Variants in ADGB observed in about 807,000 individuals in gnomAD.
ADGB encodes the protein androglobin.
ADGB carries 172 observed loss-of-function variants against 210.5 expected under a neutral mutation model. The ratio of observed to expected loss-of-function variants is 0.82; its 90% confidence interval spans 0.72 to 0.93. ADGB has a LOEUF of 0.93. Ranked by LOEUF, ADGB falls within the 40% of genes least tolerant of loss-of-function variation. ADGB has a pLI of 0.00. For missense variants in ADGB, 2,025 were observed against 1,964.8 expected, an observed-to-expected ratio of 1.03 and a Z score of -0.58; for synonymous variants, 658 against 662.7, an observed-to-expected ratio of 0.99 and a Z score of 0.11.
chr6:146,733,628 CTT>C (rs1288940976), intron 21 of ADGB, among the ~76,000 whole-genome samples: 1 of 152,140 alleles, frequency 6.6e-6, no homozygotes, highest in Non-Finnish European at 1.5e-5. Flanking sequence ...TTTAACATGT[CTT>C]TTATTTTTGA....
intron 7 of ADGB, among the ~76,000 whole-genome samples, chr6:146,668,398 T>A (rs971191991): frequency 2.6e-5 from 4 of 152,062 alleles, no homozygotes; most frequent in Non-Finnish European, 5.9e-5. Context: ...CAGGATAAAC[T>A]TGGGTGTTGC....
intron 34 of ADGB, 96 bp from the exon 35 acceptor site, chr6:146,801,732 C>G: frequency 1.9e-6 from 2 of 1,072,610 alleles, no homozygotes; most frequent in Non-Finnish European, 2.6e-6. Flanking sequence ...GACCACCACA[C>G]TGTTGATATG....
chr6:146,696,818 G>A (rs886088315), intron 12 of ADGB, among the ~76,000 whole-genome samples: 2 of 152,100 alleles, frequency 1.3e-5, no homozygotes, highest in African/African-American at 4.8e-5. Context: ...GAGCCAGAGA[G>A]GCTTGGTGTA....
chr6:146,649,753 T>C (rs752018104), intron 3 of ADGB, among the ~76,000 whole-genome samples: 2 of 152,052 alleles, frequency 1.3e-5, no homozygotes, highest in Non-Finnish European at 2.9e-5. Context: ...TCACCTCCCA[T>C]AGTGTTGGAA....
At chr6:146,730,819 A>T (rs1285443918) in intron 20 of ADGB, among the ~76,000 whole-genome samples, 1 of 152,152 alleles carries the variant, frequency 6.6e-6, no homozygotes, top group Non-Finnish European at 1.5e-5. Flanking sequence ...GGCACCTGTA[A>T]TCCCAGCTAC....
In ADGB at chr6:146,733,867, T is replaced by C. The variant is rs746227189; in HGVS notation, c.2657-26T>C. On this transcript the variant is annotated intron_variant, in intron 21 of 35. Transcript: ENST00000397944. ...GGAAGGGATTAAATATAACTTTCAG[T>C]CCAAAGTTTGTTTTTCCCTTTCCAG... The C allele has an allele frequency of 4.3e-5, 66 of 1,551,026 alleles. No individual in the cohort carries two copies. In the African/African-American group the frequency reaches 6.7e-4, roughly 16 times the overall value.
intron 23 of ADGB, among the ~76,000 whole-genome samples, chr6:146,737,339 G>C (rs1777094292): frequency 6.6e-6 from 1 of 152,152 alleles, no homozygotes; most frequent in South Asian, 2.1e-4. Flanking sequence ...AGTAGAAGAA[G>C]AGTTTAGTGA....
rs1181234144 is a variant in ADGB at position 146,746,105 on chromosome 6, T to A, written c.3361T>A (p.Phe1121Ile). The A allele has an allele frequency of 1.3e-6, 2 of 1,537,280 alleles. No individual in the cohort carries two copies. The highest frequency in any genetic ancestry group is 1.8e-6 in the Non-Finnish European group (2 of 1,138,158). The change falls in exon 26 of 36, where the codon TTC becomes ATC. Residue 1121 changes from phenylalanine to isoleucine, a missense_variant. Transcript: ENST00000397944. ...CATACCCAATGATAAGAAAATTTTATTCAGGTACAAGTAAATGACAGAAGG... is the reference window on the plus strand; with the variant it reads ...CATACCCAATGATAAGAAAATTTTAATCAGGTACAAGTAAATGACAGAAGG... ...YYIPNDKKIL[F>I]RYSVKVLTPQ...
chr6:146,719,746 G>T (rs983260277), intron 16 of ADGB, among the ~76,000 whole-genome samples: 1 of 152,066 alleles, frequency 6.6e-6, no homozygotes. Flanking sequence ...GCAGGCCCTT[G>T]AAAATGACAG....
intron 12 of ADGB, among the ~76,000 whole-genome samples, chr6:146,699,560 A>G (rs1298750346): frequency 6.6e-6 from 1 of 152,050 alleles, no homozygotes; most frequent in Non-Finnish European, 1.5e-5. Context: ...ACCGACTCGC[A>G]CGCCAATCAC....
chr6:146,741,083 A>T, intron 24 of ADGB, 35 bp from the exon 25 acceptor site: 3 of 1,439,148 alleles, frequency 2.1e-6, no homozygotes, highest in Non-Finnish European at 2.7e-6. Flanking sequence ...TTAAGAATTC[A>T]CATCAAGGGA....
chr6:146,748,165 T>C (rs754295125), intron 26 of ADGB, among the ~76,000 whole-genome samples: 1 of 151,710 alleles, frequency 6.6e-6, no homozygotes, highest in Non-Finnish European at 1.5e-5. Flanking sequence ...ACGTGGAATA[T>C]GGAAAAAAAA....
At chr6:146,706,845 G>GTTTTTTTTTTTTTTTTTTTTTTTTTTTTT (rs34520729) in intron 13 of ADGB, among the ~76,000 whole-genome samples, 1 of 100,736 alleles carries the variant, frequency 9.9e-6, no homozygotes, top group Non-Finnish European at 1.9e-5. Flanking sequence ...TCAGCTTAGT[G>GTTTTTTTTTTTTTTTTTTTTTTTTTTTTT]TTTTTTTTTT....
intron 30 of ADGB, 111 bp downstream of exon 30, chr6:146,782,303 T>C (rs1777813400): frequency 9.2e-7 from 1 of 1,091,278 alleles, no homozygotes; most frequent in African/African-American, 1.6e-5. Context: ...TTCTCCCTGA[T>C]TCCAGAAACC....
At chr6:146,730,993 G>A (rs941608727) in intron 20 of ADGB, among the ~76,000 whole-genome samples, 5 of 152,166 alleles carry the variant, frequency 3.3e-5, no homozygotes, top group African/African-American at 9.7e-5. Context: ...GAGAGGAACA[G>A]AGAGAGATAA....
chr6:146,693,891 C>A (rs1315199863), intron 12 of ADGB, among the ~76,000 whole-genome samples: 1 of 152,084 alleles, frequency 6.6e-6, no homozygotes, highest in African/African-American at 2.4e-5. Flanking sequence ...CTCCATGGCC[C>A]AATAACATGT....
Position 146,644,125 on chromosome 6 carries a change from A to G in ADGB, c.238-648A>G, listed in dbSNP as rs77577196. On this transcript the variant is annotated intron_variant, in intron 2 of 35. Coordinates refer to ENST00000397944, the MANE Select transcript of ADGB (RefSeq NM_024694.4). The stretch of plus-strand genomic sequence containing the variant: ...GTACTTGTGGTAATAAAACTGTTCT[A>G]TATCTTGACTGTCAATGCCAATATC... Among the ~76,000 whole-genome samples, 204 of 151,896 alleles carry G rather than the reference A, an allele frequency of 1.3e-3. 2 individuals are homozygous for G. In the East Asian group the frequency reaches 0.033, roughly 25 times the overall value.
chr6:146,683,174 T>C (rs73589833), intron 9 of ADGB, among the ~76,000 whole-genome samples: 48,098 of 151,936 alleles, frequency 0.32, 9,435 homozygotes, highest in African/African-American at 0.56. Flanking sequence ...ACTTCCCAGC[T>C]TCCAGAACTG....
At chr6:146,685,465 GTATATT>G (rs1237336028) in intron 9 of ADGB, among the ~76,000 whole-genome samples, 2 of 151,942 alleles carry the variant, frequency 1.3e-5, no homozygotes, top group African/African-American at 4.8e-5. Context: ...AATAACTAGA[GTATATT>G]TATATAATAA....
Sources: gnomAD v4.1 joint callset for allele counts (sites outside exome capture counted in the v4.1 genomes callset) on GRCh38, gnomAD v4.1.1 for gene constraint, MANE v1.5 for transcripts, NCBI Gene and HGNC (gene_info 2026-07-23, HGNC 2026-07-21) for gene names.